Variants in SPMIP2 observed in about 807,000 individuals in gnomAD.
SPMIP2 encodes sperm microtubule inner protein 2.
At chr4:159,069,416 G>C in the SPMIP2 span, among the ~76,000 whole-genome samples, 1 of 151,914 alleles carries the variant, frequency 6.6e-6, no homozygotes, top group African/African-American at 2.4e-5. Context: ...ATGAATTTAG[G>C]TTTTTAACTT....
the SPMIP2 span, among the ~76,000 whole-genome samples, chr4:159,040,522 G>A: frequency 6.6e-6 from 1 of 152,014 alleles, no homozygotes; most frequent in Non-Finnish European, 1.5e-5. Context: ...CTGGAGTGCA[G>A]TGGTGGGACC....
chr4:158,899,905 C>G, the SPMIP2 span, among the ~76,000 whole-genome samples: 3 of 152,094 alleles, frequency 2.0e-5, no homozygotes, highest in African/African-American at 7.2e-5. Context: ...AATTTGTTTG[C>G]TCTTGCTTCT....
At chr4:158,908,905 C>A in the SPMIP2 span, among the ~76,000 whole-genome samples, 1 of 152,176 alleles carries the variant, frequency 6.6e-6, no homozygotes, top group African/African-American at 2.4e-5. Context: ...CCAGGCTAGT[C>A]TTGAACTCCT....
chr4:159,011,754 C>A, the SPMIP2 span, among the ~76,000 whole-genome samples: 141,995 of 146,094 alleles, frequency 0.97, 69,109 homozygotes, highest in South Asian at 1. Context: ...AACTCCATCC[C>A]AAAAAAAAAA....
At chr4:158,968,585 G>A in the SPMIP2 span, among the ~76,000 whole-genome samples, 1 of 152,148 alleles carries the variant, frequency 6.6e-6, no homozygotes, top group African/African-American at 2.4e-5. Flanking sequence ...ATTCCTCCGA[G>A]TCCTTGATTT....
chr4:158,924,228 G>A, the SPMIP2 span, among the ~76,000 whole-genome samples: 3 of 152,280 alleles, frequency 2.0e-5, no homozygotes, highest in South Asian at 4.1e-4. Context: ...GTGGTACTTT[G>A]TTACAGCAGT....
the SPMIP2 span, among the ~76,000 whole-genome samples, chr4:158,903,540 C>T: frequency 6.6e-6 from 1 of 152,080 alleles, no homozygotes; most frequent in Non-Finnish European, 1.5e-5. Flanking sequence ...AGCTTTTATT[C>T]CCCTTTGCAC....
At chr4:159,034,846 G>A in the SPMIP2 span, among the ~76,000 whole-genome samples, 3 of 151,974 alleles carry the variant, frequency 2.0e-5, no homozygotes, top group East Asian at 1.9e-4. Flanking sequence ...AGCCGAGATC[G>A]CGCCATTGTA....
chr4:158,960,588 G>A, the SPMIP2 span, among the ~76,000 whole-genome samples: 1 of 152,150 alleles, frequency 6.6e-6, no homozygotes, highest in African/African-American at 2.4e-5. Context: ...AAAGGAGGGT[G>A]CTGGGTAGGA....
chr4:159,031,382 T>A, the SPMIP2 span, among the ~76,000 whole-genome samples: 2 of 152,180 alleles, frequency 1.3e-5, no homozygotes, highest in African/African-American at 4.8e-5. Flanking sequence ...AGGAAGTAAT[T>A]GACAAATTCG....
the SPMIP2 span, among the ~76,000 whole-genome samples, chr4:158,961,356 T>G: frequency 6.6e-6 from 1 of 152,154 alleles, no homozygotes; most frequent in South Asian, 2.1e-4. Context: ...CATTTATTTG[T>G]GTCATCTTCT....
At chr4:159,053,458 G>A in the SPMIP2 span, among the ~76,000 whole-genome samples, 2 of 152,168 alleles carry the variant, frequency 1.3e-5, no homozygotes, top group Non-Finnish European at 2.9e-5. Context: ...ATGGCTGTGG[G>A]CCGGTAGGGT....
the SPMIP2 span, among the ~76,000 whole-genome samples, chr4:159,079,101 G>A: frequency 6.6e-6 from 1 of 152,106 alleles, no homozygotes; most frequent in Non-Finnish European, 1.5e-5. Flanking sequence ...CTGGGTGACA[G>A]AGTGAGATCC....
chr4:158,914,232 A>G, the SPMIP2 span, among the ~76,000 whole-genome samples: 1 of 152,204 alleles, frequency 6.6e-6, no homozygotes, highest in African/African-American at 2.4e-5. Flanking sequence ...CCATCTCAAA[A>G]TTCAGACTAC....
the SPMIP2 span, among the ~76,000 whole-genome samples, chr4:158,986,646 T>A: frequency 1.3e-5 from 2 of 152,064 alleles, no homozygotes; most frequent in African/African-American, 4.8e-5. Context: ...TGGATTAAAG[T>A]CTTAAATATT....
the SPMIP2 span, among the ~76,000 whole-genome samples, chr4:158,967,924 T>A: frequency 6.6e-6 from 1 of 152,358 alleles, no homozygotes; most frequent in African/African-American, 2.4e-5. Context: ...ATGCCAATGA[T>A]TATATTTTAT....
At chr4:158,960,034 T>G in the SPMIP2 span, among the ~76,000 whole-genome samples, 1 of 152,168 alleles carries the variant, frequency 6.6e-6, no homozygotes, top group Non-Finnish European at 1.5e-5. Context: ...TTGCTTCTCC[T>G]TTTCTTTACT....
chr4:158,943,905 G>T, the SPMIP2 span, among the ~76,000 whole-genome samples: 1 of 124,488 alleles, frequency 8.0e-6, no homozygotes, highest in East Asian at 2.9e-4. Context: ...CGCCAGGCTG[G>T]AGTGCAGTGG....
chr4:158,897,260 G>C, the SPMIP2 span, among the ~76,000 whole-genome samples: 1 of 152,148 alleles, frequency 6.6e-6, no homozygotes, highest in Non-Finnish European at 1.5e-5. Context: ...ATTTCGGTTG[G>C]TTCCAAGTCT....
Sources: gnomAD v4.1 joint callset for allele counts (sites outside exome capture counted in the v4.1 genomes callset) on GRCh38, gnomAD v4.1.1 for gene constraint, MANE v1.5 for transcripts, NCBI Gene and HGNC (gene_info 2026-07-23, HGNC 2026-07-21) for gene names.